MARCHF11: variants seen among roughly 807,000 people sequenced by gnomAD.
MARCHF11 encodes the protein membrane associated ring-CH-type finger 11, also known as E3 ubiquitin-protein ligase MARCHF11.
In MARCHF11, 29 loss-of-function variants were observed where a neutral mutation model predicts 37.3. That is an observed-to-expected ratio of 0.78 (90% CI 0.58 to 1.06). MARCHF11 has a LOEUF of 1.06. Ranked by LOEUF, MARCHF11 falls within the 50% of genes least tolerant of loss-of-function variation. MARCHF11 has a pLI of 0.00. For missense variants in MARCHF11, 482 were observed against 533.4 expected, an observed-to-expected ratio of 0.90 and a Z score of 0.95; for synonymous variants, 233 against 228.0, an observed-to-expected ratio of 1.02 and a Z score of -0.20.
In MARCHF11 at chr5:16,084,653, A is replaced by C. The variant is rs150782470; in HGVS notation, c.886+6236T>G. On this transcript the variant is annotated intron_variant, in intron 3 of 3. Coordinates refer to ENST00000332432, the MANE Select transcript of MARCHF11 (RefSeq NM_001102562.3). ...GCAAGACTCTGTGTCAAAAAAACAA[A>C]AAAAAAAAAGAATTTACATGGATTT... Among the ~76,000 whole-genome samples, 924 of 151,680 alleles carry C rather than the reference A, an allele frequency of 6.1e-3. 2 individuals are homozygous for C. The highest frequency in any genetic ancestry group is 0.014 in the South Asian group (68 of 4,812).
chr5:16,158,353 C>G (rs1579418268), intron 2 of MARCHF11, among the ~76,000 whole-genome samples: 1 of 151,946 alleles, frequency 6.6e-6, no homozygotes, highest in East Asian at 1.9e-4. Context: ...TCACAACAGC[C>G]AAATATAGAA....
chr5:16,149,455 G>A (rs936388794), intron 2 of MARCHF11, among the ~76,000 whole-genome samples: 1 of 152,030 alleles, frequency 6.6e-6, no homozygotes, highest in African/African-American at 2.4e-5. Flanking sequence ...AATATGAACT[G>A]GTAGAAGCAT....
intron 2 of MARCHF11, among the ~76,000 whole-genome samples, chr5:16,142,924 G>C (rs13177930): frequency 1.6e-5 from 2 of 122,540 alleles, no homozygotes; most frequent in African/African-American, 3.3e-5. Flanking sequence ...ATTTTTAGTA[G>C]AGATGCAGTT....
chr5:16,179,387 C>G lies in MARCHF11; in HGVS notation c.189G>C (p.Ala63=). The change falls in exon 1 of 4, where the codon GCG becomes GCC. Residue 63 remains alanine (A), a synonymous_variant. Coordinates refer to ENST00000332432, the MANE Select transcript of MARCHF11 (RefSeq NM_001102562.3). The part of the protein sequence containing the change: ...PASPETPERA[A]GPSEPLGEVA... ...CCTCCCCTAGCGGCTCGCTTGGCCC[C>G]GCGGCGCGCTCGGGGGTCTCGGGGG... 1 of 1,153,108 alleles carries G rather than the reference C, an allele frequency of 8.7e-7. No homozygotes were observed. Among genetic ancestry groups the G allele is most frequent in the Admixed American group, 4.8e-5 (1 of 20,974 alleles). The allele number at this position is 1,153,108 out of a possible 1,614,324, so 71.4% of individuals were successfully genotyped here. A position where few individuals can be genotyped will look rare whatever the true frequency, so the allele number is the denominator to read the frequency against.
At chr5:16,091,123 A>G (rs1736785300) in intron 2 of MARCHF11, 42 bp from the exon 3 acceptor site, 5 of 1,307,590 alleles carry the variant, frequency 3.8e-6, no homozygotes, top group Non-Finnish European at 4.9e-6. Context: ...AGCTGTGTAT[A>G]ATTAAAAAAG....
chr5:16,179,303 G>T lies in MARCHF11; in HGVS notation c.273C>A (p.Pro91=). ...CGGCCGCCGCCACTTCCTGGCCGGC[G>T]GGCTGCAGGGGCAGGGGCGGAGGCG... is the stretch of plus-strand genomic sequence containing the variant. ...ELPPPPLPLQ[P]AGQEVAAAGD... is the part of the protein sequence containing the mutation. Residue 91 remains proline, a synonymous_variant, in exon 1 of 4, where the codon CCC becomes CCA. Coordinates refer to ENST00000332432, the MANE Select transcript of MARCHF11 (RefSeq NM_001102562.3). The T allele has an allele frequency of 7.9e-7, 1 of 1,268,118 alleles. No homozygotes were observed. The highest frequency in any genetic ancestry group is 9.9e-7 in the Non-Finnish European group (1 of 1,008,058). The allele number at this position is 1,268,118 out of a possible 1,614,324, so 78.6% of individuals were successfully genotyped here. A position where few individuals can be genotyped will look rare whatever the true frequency, so the allele number is the denominator to read the frequency against.
At chr5:16,103,350 G>A (rs563936824) in intron 2 of MARCHF11, among the ~76,000 whole-genome samples, 12 of 152,196 alleles carry the variant, frequency 7.9e-5, no homozygotes, top group African/African-American at 1.2e-4. Flanking sequence ...TGCACAGGAC[G>A]GTGTGTTTGG....
rs768683978 is a variant in MARCHF11 at position 16,179,059 on chromosome 5, A to T, written c.517T>A (p.Cys173Ser). ...CTTACCTGCTCCGCGCCCTGGAAGC[A>T]GATCTTGCAGATGGGCTGGTGGTGC... Reference protein sequence around the residue: ...HQHHQPICKICFQGAEQGELL... With the variant: ...HQHHQPICKISFQGAEQGELL... Residue 173 changes from cysteine (C) to serine (S), a missense_variant, in exon 1 of 4, where the codon TGC becomes AGC. Physicochemically the swap from Cys to Ser is moderately radical, Grantham distance 112 (BLOSUM62 -1). Transcript: ENST00000332432. 2 of 1,487,124 alleles carry T rather than the reference A, an allele frequency of 1.3e-6. No homozygotes were observed. The highest frequency in any genetic ancestry group is 2.9e-5 in the African/African-American group (2 of 68,438). The allele number at this position is 1,487,124 out of a possible 1,614,324, so 92.1% of individuals were successfully genotyped here.
chr5:16,078,250 G>T (rs1736552753), intron 3 of MARCHF11, among the ~76,000 whole-genome samples: 1 of 152,082 alleles, frequency 6.6e-6, no homozygotes, highest in Non-Finnish European at 1.5e-5. Flanking sequence ...CTTCATCTGT[G>T]CCTTTGTTTT....
intron 2 of MARCHF11, among the ~76,000 whole-genome samples, chr5:16,147,913 T>A (rs1016689853): frequency 3.3e-5 from 5 of 152,288 alleles, no homozygotes; most frequent in African/African-American, 9.6e-5. Flanking sequence ...ATGCATTCAA[T>A]GAGTACACTT....
At position 16,179,207 on chromosome 5, in the gene MARCHF11, C is replaced by T; in HGVS notation, c.369G>A (p.Glu123=). ...GCTCGCGCTCGCCGCCCGCGCCGGC[C>T]TCAGACTCCCCGGGGCCGCCTTTCG... The part of the protein sequence containing the change: ...AAAKGGPGES[E]AGAGGERERR... Residue 123 remains glutamate, a synonymous_variant, in exon 1 of 4, where the codon GAG becomes GAA. Coordinates refer to ENST00000332432, the MANE Select transcript of MARCHF11 (RefSeq NM_001102562.3). The T allele has an allele frequency of 7.4e-7, 1 of 1,347,728 alleles. No homozygotes were observed. Among genetic ancestry groups the T allele is most frequent in the Non-Finnish European group, 9.5e-7 (1 of 1,056,216 alleles). The allele number at this position is 1,347,728 out of a possible 1,614,324, so 83.5% of individuals were successfully genotyped here.
chr5:16,088,475 C>T (rs1004580349), intron 3 of MARCHF11, among the ~76,000 whole-genome samples: 39 of 152,288 alleles, frequency 2.6e-4, no homozygotes, highest in Middle Eastern at 3.4e-3. Context: ...GCCTCTAAAT[C>T]TTCCAGTCGG....
intron 3 of MARCHF11, among the ~76,000 whole-genome samples, chr5:16,084,993 A>AGT (rs59143481): frequency 0.047 from 7,008 of 150,358 alleles, 295 homozygotes; most frequent in African/African-American, 0.11. Flanking sequence ...GATCAGAGTG[A>AGT]GTGTGTGTGT....
chr5:16,110,941 A>T (rs1737127124), intron 2 of MARCHF11, among the ~76,000 whole-genome samples: 1 of 152,208 alleles, frequency 6.6e-6, no homozygotes, highest in South Asian at 2.1e-4. Context: ...TTCTTGTGGT[A>T]GTAAATAAGT....
At chr5:16,093,399 G>A (rs1736816262) in intron 2 of MARCHF11, among the ~76,000 whole-genome samples, 1 of 152,196 alleles carries the variant, frequency 6.6e-6, no homozygotes, top group African/African-American at 2.4e-5. Flanking sequence ...CTCCTTGCAT[G>A]ATAATTCACC....
chr5:16,115,022 G>T (rs1001994007), intron 2 of MARCHF11, among the ~76,000 whole-genome samples: 3 of 151,938 alleles, frequency 2.0e-5, no homozygotes, highest in Non-Finnish European at 4.4e-5. Context: ...AGGCTGCTAC[G>T]ATTATTTCAT....
intron 2 of MARCHF11, among the ~76,000 whole-genome samples, chr5:16,128,777 A>T (rs1028788834): frequency 1.6e-4 from 24 of 152,176 alleles, no homozygotes; most frequent in Non-Finnish European, 2.6e-4. Flanking sequence ...TGTGTGTGTG[A>T]CAACACCATT....
chr5:16,167,053 T>C (rs943495309), intron 2 of MARCHF11, among the ~76,000 whole-genome samples: 2 of 147,174 alleles, frequency 1.4e-5, no homozygotes, highest in Non-Finnish European at 3.0e-5. Context: ...CATTACCCCA[T>C]TGTAAGCTGA....
chr5:16,131,930 GGTAAA>G (rs1264245893), intron 2 of MARCHF11, among the ~76,000 whole-genome samples: 5 of 152,206 alleles, frequency 3.3e-5, no homozygotes, highest in African/African-American at 4.8e-5. Flanking sequence ...GGTGCTCTGT[GGTAAA>G]GTAAAGTTCA....
Sources: allele counts gnomAD v4.1 joint callset (sites outside exome capture counted in the v4.1 genomes callset), GRCh38; gene constraint gnomAD v4.1.1; transcripts MANE v1.5; gene names NCBI Gene and HGNC (gene_info 2026-07-23, HGNC 2026-07-21).